ABHD15: variants seen among roughly 807,000 people sequenced by gnomAD.
The protein encoded by ABHD15 is abhydrolase domain containing 15, also known as protein ABHD15.
In ABHD15, 34 loss-of-function variants were observed where a neutral mutation model predicts 34.4. That is an observed-to-expected ratio of 0.99 (90% CI 0.75 to 1.32). The LOEUF (loss-of-function observed/expected upper bound fraction) is 1.32, where lower values mean the gene tolerates loss of function less well. ABHD15 is among the 40% of genes most tolerant of loss of function. The probability of loss-of-function intolerance (pLI) is 0.00; values close to 1 mark genes in which losing one functional copy is unlikely to be tolerated. For synonymous variants in ABHD15, 314 were observed against 299.2 expected (o/e 1.05, Z -0.51); for missense variants, 644 against 650.4 (o/e 0.99, Z 0.11).
At chr17:29,563,140 C>T (rs2032655175) in intron 1 of ABHD15, 54 bp from the exon 2 acceptor site, 1 of 1,547,038 alleles carries the variant, frequency 6.5e-7, no homozygotes, top group East Asian at 2.3e-5. Context: ...AGAATGAGAA[C>T]ATCAGGTGAC....
In ABHD15 at chr17:29,562,489, A is replaced by T; in HGVS notation, c.*72T>A. ...GAGCTCCCTCTGTTCAGTCCGCCCCATCTTTCCAGGACTCCCCCTTGCCCA... is the reference window on the plus strand; with the variant it reads ...GAGCTCCCTCTGTTCAGTCCGCCCCTTCTTTCCAGGACTCCCCCTTGCCCA... On this transcript the variant is annotated 3_prime_UTR_variant, in exon 2 of 2. Transcript: ENST00000307201. 6.7e-7 allele frequency: 1 copy of T among 1,494,516 alleles called. No individual in the cohort carries two copies. 92.6% of individuals were successfully genotyped at this position (1,494,516 alleles called of 1,614,324 possible).
In ABHD15 at chr17:29,563,024, C is replaced by CGAAGGGAACGGCTCCT; in HGVS notation, c.928_943dup (p.Arg315GlnfsTer9). 1 of 1,612,528 alleles carries CGAAGGGAACGGCTCCT rather than the reference C, an allele frequency of 6.2e-7. No individual in the cohort carries two copies. Among genetic ancestry groups the CGAAGGGAACGGCTCCT allele is most frequent in the Non-Finnish European group, 8.5e-7 (1 of 1,180,010 alleles). ...GCAGAAGAGAGCCTCCTCAAACTCT[C>CGAAGGGAACGGCTCCT]GAAGGGAACGGCTCCTGAACAGTCT... On this transcript the variant is annotated frameshift_variant, in exon 2 of 2. Coordinates refer to ENST00000307201, the MANE Select transcript of ABHD15 (RefSeq NM_198147.3). LOFTEE classifies it high-confidence loss of function.
Position 29,566,481 on chromosome 17 carries a change from C to A in ABHD15, c.486G>T (p.Val162=). The change falls in exon 1 of 2, where the codon GTG becomes GTT. Residue 162 remains valine (V), a synonymous_variant. Coordinates refer to ENST00000307201, the MANE Select transcript of ABHD15 (RefSeq NM_198147.3). The stretch of plus-strand genomic sequence containing the variant: ...TGAGGCGACCCCACGCATTGGGGAT[C>A]ACCAGAAGCACCGCAGGAAGGCCCC... The part of the protein sequence containing the change: ...SAGGLPAVLL[V]IPNAWGRLTR... 6.2e-7 allele frequency: 1 copy of A among 1,611,914 alleles called. No individual in the cohort carries two copies. The highest frequency in any genetic ancestry group is 1.1e-5 in the South Asian group (1 of 91,040).
In ABHD15 at chr17:29,562,877, C is replaced by A. The variant is rs755030345; in HGVS notation, c.1091G>T (p.Gly364Val). The A allele has an allele frequency of 2.0e-5, 33 of 1,613,986 alleles. No individual in the cohort carries two copies. The highest frequency in any genetic ancestry group is 2.6e-5 in the Non-Finnish European group (31 of 1,180,028). The change falls in exon 2 of 2, where the codon GGA becomes GTA. Residue 364 changes from glycine to valine, a missense_variant. Coordinates refer to ENST00000307201, the MANE Select transcript of ABHD15 (RefSeq NM_198147.3). ...AGTTGTCAGAGTGTGGTCTGGGGGTCCACACACGGGGTCGTCAGCACTGCA... is the reference window on the plus strand; with the variant it reads ...AGTTGTCAGAGTGTGGTCTGGGGGTACACACACGGGGTCGTCAGCACTGCA... ...CICSADDPVCGPPDHTLTTEL... is the reference protein window; with the variant it reads ...CICSADDPVCVPPDHTLTTEL...
chr17:29,564,598 A>G (rs976972848), intron 1 of ABHD15, among the ~76,000 whole-genome samples: 1 of 152,222 alleles, frequency 6.6e-6, no homozygotes, highest in African/African-American at 2.4e-5. Context: ...TCACATCTAT[A>G]ATCCCAGCAC....
rs2032687431 is a variant in ABHD15 at position 29,565,394 on chromosome 17, C to T, written c.881+692G>A. 2.0e-5 allele frequency among the ~76,000 whole-genome samples: 3 copies of T among 152,016 alleles called. No individual in the cohort carries two copies. In the South Asian group the frequency reaches 6.2e-4, roughly 31 times the overall value. On this transcript the variant is annotated intron_variant, in intron 1 of 1. Coordinates refer to ENST00000307201, the MANE Select transcript of ABHD15 (RefSeq NM_198147.3). The stretch of plus-strand genomic sequence containing the variant: ...CCAGGCTAGAGTGCAGTGGCCTGAC[C>T]AGGGCTCTCTGCAGCCTCGAACTTC...
rs2032629798 is a variant in ABHD15 at position 29,561,678 on chromosome 17, T to C, written c.*883A>G. 2 of 152,512 alleles carry C rather than the reference T, an allele frequency of 1.3e-5. No individual in the cohort carries two copies. The highest frequency in any genetic ancestry group is 1.3e-4 in the Admixed American group (2 of 15,278). The allele number at this position is 152,512 out of a possible 1,614,324, so 9.4% of individuals were successfully genotyped here. A position where few individuals can be genotyped will look rare whatever the true frequency, so the allele number is the denominator to read the frequency against. ...ACACCTAAGTTATGAGGTTTGTGCT[T>C]TTCCTGACTTAGAGAAAGTCCATAT... On this transcript the variant is annotated 3_prime_UTR_variant, in exon 2 of 2. Transcript: ENST00000307201.
rs1380554817 is a variant in ABHD15, at chr17:29,560,631, G to A, written c.*1930C>T. The A allele has an allele frequency of 1.3e-5, 2 of 152,074 alleles. No homozygotes were observed. The highest frequency in any genetic ancestry group is 4.8e-5 in the African/African-American group (2 of 41,416). The allele number at this position is 152,074 out of a possible 1,614,324, so 9.4% of individuals were successfully genotyped here. A position where few individuals can be genotyped will look rare whatever the true frequency, so the allele number is the denominator to read the frequency against. ...GAATATGGAGGAGGAGAAACAAGAA[G>A]TGGGGAGAAGGGAGATAATTTTTCT... On this transcript the variant is annotated 3_prime_UTR_variant, in exon 2 of 2. Coordinates refer to ENST00000307201, the MANE Select transcript of ABHD15 (RefSeq NM_198147.3).
chr17:29,563,020 C>A lies in ABHD15; in HGVS notation c.948G>T (p.Glu316Asp), dbSNP rs764221422. Residue 316 changes from glutamate (E) to aspartate (D), a missense_variant, in exon 2 of 2, where the codon GAG becomes GAT. Coordinates refer to ENST00000307201, the MANE Select transcript of ABHD15 (RefSeq NM_198147.3). ...SRLFRSRSLR[E>D]FEEALFCHTK... ...TGTGGCAGAAGAGAGCCTCCTCAAA[C>A]TCTCGAAGGGAACGGCTCCTGAACA... The A allele has an allele frequency of 8.7e-6, 14 of 1,612,926 alleles. No individual in the cohort carries two copies. In the East Asian group the frequency reaches 2.0e-4, roughly 23 times the overall value.
chr17:29,563,365 C>T (rs1268374962), intron 1 of ABHD15, among the ~76,000 whole-genome samples: 2 of 144,198 alleles, frequency 1.4e-5, no homozygotes, highest in South Asian at 2.2e-4. Flanking sequence ...GCCTGGGCAA[C>T]AGGGCGAAAA....
chr17:29,564,793 C>T (rs570432842), intron 1 of ABHD15, among the ~76,000 whole-genome samples: 18 of 152,320 alleles, frequency 1.2e-4, no homozygotes, highest in Admixed American at 1.0e-3. Flanking sequence ...GGTCTTTCTG[C>T]TACACCACAC....
rs957259306 is a variant in ABHD15, at chr17:29,566,693, C to A, written c.274G>T (p.Ala92Ser). 6.3e-7 allele frequency: 1 copy of A among 1,588,382 alleles called. No individual in the cohort carries two copies. The highest frequency in any genetic ancestry group is 8.5e-7 in the Non-Finnish European group (1 of 1,173,028). ...CLLRALRRSE[A>S]LEAGPRSWFS... Reference sequence around the variant, plus strand: ...CAGGAGCGCGGGCCGGCCTCCAGCGCCTCTGAGCGCCGCAGGGCGCGCAGC... The same window carrying A: ...CAGGAGCGCGGGCCGGCCTCCAGCGACTCTGAGCGCCGCAGGGCGCGCAGC... Residue 92 changes from alanine (A) to serine (S), a missense_variant, in exon 1 of 2, where the codon GCG becomes TCG. Coordinates refer to ENST00000307201, the MANE Select transcript of ABHD15 (RefSeq NM_198147.3).
intron 1 of ABHD15, among the ~76,000 whole-genome samples, chr17:29,563,391 A>ACT (rs1300910044): frequency 3.3e-5 from 5 of 151,814 alleles, no homozygotes; most frequent in Non-Finnish European, 5.9e-5. Flanking sequence ...CTCTAAAAAA[A>ACT]AAAAAAAAAA....
At position 29,566,136 on chromosome 17, in the gene ABHD15, G is replaced by A; in HGVS notation, c.831C>T (p.Pro277=). 2 of 1,586,876 alleles carry A rather than the reference G, an allele frequency of 1.3e-6. No homozygotes were observed. The highest frequency in any genetic ancestry group is 1.1e-5 in the South Asian group (1 of 88,820). The change falls in exon 1 of 2, where the codon CCC becomes CCT. Residue 277 remains proline (P), a synonymous_variant. Coordinates refer to ENST00000307201, the MANE Select transcript of ABHD15 (RefSeq NM_198147.3). ...RCREWFEAGL[P]WPYERGFLLH... The stretch of plus-strand genomic sequence containing the variant: ...GCAGAAAGCCCCGCTCGTAGGGCCA[G>A]GGCAGGCCGGCCTCGAACCACTCTC...
rs1267813732 is a variant in ABHD15 at position 29,562,870 on chromosome 17, T to TGG, written c.1096_1097dup (p.Asp367GlnfsTer5). 3.1e-6 allele frequency: 5 copies of TGG among 1,614,072 alleles called. No homozygotes were observed. The highest frequency in any genetic ancestry group is 4.2e-6 in the Non-Finnish European group (5 of 1,180,010). On this transcript the variant is annotated frameshift_variant, in exon 2 of 2. Coordinates refer to ENST00000307201, the MANE Select transcript of ABHD15 (RefSeq NM_198147.3). LOFTEE classifies it high-confidence loss of function. ...AGAGTTCAGTTGTCAGAGTGTGGTC[T>TGG]GGGGGTCCACACACGGGGTCGTCAG...
rs2032634706 is a variant in ABHD15 at position 29,562,119 on chromosome 17, A to G, written c.*442T>C. The G allele has an allele frequency of 1.3e-5, 2 of 154,930 alleles. No homozygotes were observed. The highest frequency in any genetic ancestry group is 4.8e-5 in the African/African-American group (2 of 41,610). 9.6% of individuals were successfully genotyped at this position (154,930 alleles called of 1,614,324 possible). A position where few individuals can be genotyped will look rare whatever the true frequency, so the allele number is the denominator to read the frequency against. ...AGAGCAAATGAGGGAAGTGGGGCCG[A>G]GACACAAACATCCTGTCCTCATGAC... On this transcript the variant is annotated 3_prime_UTR_variant, in exon 2 of 2. Coordinates refer to ENST00000307201, the MANE Select transcript of ABHD15 (RefSeq NM_198147.3).
rs761656909 is a variant in ABHD15, at chr17:29,562,781, C to G, written c.1187G>C (p.Arg396Pro). The G allele has an allele frequency of 6.2e-7, 1 of 1,613,522 alleles. No individual in the cohort carries two copies. The highest frequency in any genetic ancestry group is 8.5e-7 in the Non-Finnish European group (1 of 1,179,570). ...SRHGGHCGFL[R>P]QEPLPAWSHE... ...GCTCCAGGCTGGCAAGGGCTCCTGGCGCAGGAAGCCACAGTGGCCTCCGTG... is the reference window on the plus strand; with the variant it reads ...GCTCCAGGCTGGCAAGGGCTCCTGGGGCAGGAAGCCACAGTGGCCTCCGTG... The change falls in exon 2 of 2, where the codon CGC (arginine) becomes CCC (proline). Residue 396 changes from arginine (R) to proline (P), a missense_variant. Physicochemically the swap from Arg to Pro is moderately radical, Grantham distance 103. Coordinates refer to ENST00000307201, the MANE Select transcript of ABHD15 (RefSeq NM_198147.3).
chr17:29,561,509 T>G lies in ABHD15; in HGVS notation c.*1052A>C, dbSNP rs2032627404. 1 of 152,194 alleles carries G rather than the reference T, an allele frequency of 6.6e-6. No individual in the cohort carries two copies. Among genetic ancestry groups the G allele is most frequent in the African/African-American group, 2.4e-5 (1 of 41,430 alleles). The allele number at this position is 152,194 out of a possible 1,614,324, so 9.4% of individuals were successfully genotyped here. On this transcript the variant is annotated 3_prime_UTR_variant, in exon 2 of 2. Transcript: ENST00000307201. ...TTGAATAATTGAGCAGACGAAGCAT[T>G]GGAATATGAAATATTTGTAAATCAC...
chr17:29,563,650 A>T (rs544446003), intron 1 of ABHD15, among the ~76,000 whole-genome samples: 2 of 152,220 alleles, frequency 1.3e-5, no homozygotes, highest in East Asian at 3.9e-4. Context: ...TCACGAGGTC[A>T]AGAGATTGAG....
Sources: allele counts gnomAD v4.1 joint callset (sites outside exome capture counted in the v4.1 genomes callset), GRCh38; gene constraint gnomAD v4.1.1; transcripts MANE v1.5; gene names NCBI Gene and HGNC (gene_info 2026-07-23, HGNC 2026-07-21).